The following SNTG2 variants were observed in gnomAD, a reference collection of about 807,000 sequenced individuals.
SNTG2 encodes gamma-2-syntrophin.
Under a neutral mutation model 70.9 loss-of-function variants are expected in SNTG2, and 74 were observed. The observed-to-expected ratio is 1.04, with a 90% CI of 0.86 to 1.27. The LOEUF (loss-of-function observed/expected upper bound fraction) is 1.27. Ranked by LOEUF, SNTG2 falls within the 50% of genes most tolerant of loss-of-function variation. The pLI, the probability that SNTG2 is intolerant of heterozygous loss-of-function variation, is 0.00. For missense variants in SNTG2, 717 were observed against 690.7 expected (o/e 1.04, Z -0.43); for synonymous variants, 278 against 273.8 (o/e 1.02, Z -0.15).
At chr2:1,112,146 C>T (rs1304506873) in intron 4 of SNTG2, among the ~76,000 whole-genome samples, 2 of 151,418 alleles carry the variant, frequency 1.3e-5, no homozygotes, top group Admixed American at 1.3e-4. Flanking sequence ...AGGTTTAAGC[C>T]TTACACTGCT....
intron 1 of SNTG2, among the ~76,000 whole-genome samples, chr2:966,003 G>C (rs966475987): frequency 4.6e-5 from 7 of 152,058 alleles, no homozygotes; most frequent in African/African-American, 1.7e-4. Context: ...CTGCTTCTTC[G>C]GTCCTGTGTG....
At chr2:1,033,414 A>G (rs1487486984) in intron 1 of SNTG2, among the ~76,000 whole-genome samples, 1 of 152,214 alleles carries the variant, frequency 6.6e-6, no homozygotes, top group African/African-American at 2.4e-5. Context: ...AACTCCACAA[A>G]TGCCTGTCCC....
chr2:1,279,518 A>AT (rs1426516082), intron 14 of SNTG2, among the ~76,000 whole-genome samples: 6 of 152,302 alleles, frequency 3.9e-5, no homozygotes, highest in African/African-American at 1.4e-4. Flanking sequence ...CCCGTACAGG[A>AT]ATTAAGGTTT....
chr2:1,347,841 C>T (rs995897659), intron 16 of SNTG2, among the ~76,000 whole-genome samples: 1 of 152,192 alleles, frequency 6.6e-6, no homozygotes, highest in Non-Finnish European at 1.5e-5. Context: ...GGCATTGTGC[C>T]CCTGCCCTGC....
intron 6 of SNTG2, among the ~76,000 whole-genome samples, chr2:1,153,417 A>G (rs1277639045): frequency 2.0e-5 from 3 of 152,242 alleles, no homozygotes; most frequent in Admixed American, 1.3e-4. Flanking sequence ...TCCACATTTT[A>G]GAAGATTGCA....
rs1170527144 is a variant in SNTG2 at position 1,097,166 on chromosome 2, A to C, written c.211-1030A>C. Among the ~76,000 whole-genome samples, 1 of 152,168 alleles carries C rather than the reference A, an allele frequency of 6.6e-6. No homozygotes were observed. Among genetic ancestry groups the C allele is most frequent in the Non-Finnish European group, 1.5e-5 (1 of 68,032 alleles). On this transcript the variant is annotated intron_variant, in intron 2 of 16. Coordinates refer to ENST00000308624, the MANE Select transcript of SNTG2 (RefSeq NM_018968.4). This position sits in a 1 kb window ranked among gnomAD's most constrained non-coding sequence, Gnocchi z 4.1. ...TTGGTTTCTTTCCTTTGAGTTTATG[A>C]AGTATTTCCCCCTAAGAAGGACATT... is the stretch of plus-strand genomic sequence containing the variant.
At chr2:1,110,286 T>C (rs1250655013) in intron 4 of SNTG2, among the ~76,000 whole-genome samples, 1 of 152,188 alleles carries the variant, frequency 6.6e-6, no homozygotes, top group Admixed American at 6.5e-5. Flanking sequence ...GAGCTTTGTG[T>C]GATGGGGTCA....
At chr2:1,207,425 T>C (rs1673703989) in intron 8 of SNTG2, among the ~76,000 whole-genome samples, 2 of 152,224 alleles carry the variant, frequency 1.3e-5, no homozygotes, top group South Asian at 4.1e-4. Context: ...TGAGTTTTTT[T>C]TTCTGCCTTC....
In SNTG2 at chr2:1,054,967, A is replaced by G. The variant is rs141453102; in HGVS notation, c.73-28551A>G. The stretch of plus-strand genomic sequence containing the variant: ...TTTTTGTTTTTGTTTTTTTTTCCCT[A>G]TTGATTCCTTTGGTCTTTATTTCAT... On this transcript the variant is annotated intron_variant, in intron 1 of 16. Transcript: ENST00000308624. Among the ~76,000 whole-genome samples the G allele has an allele frequency of 1.2e-3, 105 of 86,522 alleles. 1 individual carries two copies. The highest frequency in any genetic ancestry group is 3.8e-3 in the African/African-American group (93 of 24,792). 56.8% of individuals were successfully genotyped at this position (86,522 alleles called of 152,430 possible). A position where few individuals can be genotyped will look rare whatever the true frequency, so the allele number is the denominator to read the frequency against.
At chr2:1,016,711 G>A (rs73164784) in intron 1 of SNTG2, among the ~76,000 whole-genome samples, 5,236 of 152,306 alleles carry the variant, frequency 0.034, 301 homozygotes, top group African/African-American at 0.12. Context: ...GGAGCTATGC[G>A]TATTCACGGA....
intron 14 of SNTG2, among the ~76,000 whole-genome samples, chr2:1,276,921 A>G (rs532535955): frequency 5.3e-5 from 8 of 152,230 alleles, no homozygotes; most frequent in Non-Finnish European, 1.0e-4. Flanking sequence ...TCAAGACTTC[A>G]GTGGAGGAAG....
intron 16 of SNTG2, among the ~76,000 whole-genome samples, chr2:1,321,448 G>A (rs768180663): frequency 4.6e-5 from 7 of 152,156 alleles, no homozygotes; most frequent in Middle Eastern, 3.2e-3. Context: ...AAGATTGGGC[G>A]TGGGCACCTG....
At chr2:1,284,584 G>GT (rs1041425510) in intron 14 of SNTG2, among the ~76,000 whole-genome samples, 2 of 152,016 alleles carry the variant, frequency 1.3e-5, no homozygotes, top group Non-Finnish European at 2.9e-5. Context: ...CAAACCAATT[G>GT]TTTTTTTAGT....
At chr2:1,258,918 A>T (rs77484321) in intron 12 of SNTG2, among the ~76,000 whole-genome samples, 1,775 of 152,306 alleles carry the variant, frequency 0.012, 32 homozygotes, top group African/African-American at 0.04. Flanking sequence ...TAAAAAGCAA[A>T]AGACTGTCTA....
chr2:997,124 TAAGC>T (rs955458233), intron 1 of SNTG2, among the ~76,000 whole-genome samples: 19 of 152,108 alleles, frequency 1.2e-4, no homozygotes, highest in African/African-American at 2.9e-4. Context: ...GTCAAAGAAA[TAAGC>T]AAGTTCACAA....
At chr2:1,263,015 T>A (rs1362748984) in intron 13 of SNTG2, 2 of 152,230 alleles carry the variant, frequency 1.3e-5, no homozygotes, top group Non-Finnish European at 2.9e-5. Flanking sequence ...ATATGAATAA[T>A]TAATTTTCCT....
intron 8 of SNTG2, among the ~76,000 whole-genome samples, chr2:1,187,681 C>G (rs1672331447): frequency 6.6e-6 from 1 of 152,066 alleles, no homozygotes; most frequent in African/African-American, 2.4e-5. Flanking sequence ...TACGGAGCAC[C>G]AAGAAGCAAC....
chr2:1,020,545 A>C (rs1005353915), intron 1 of SNTG2, among the ~76,000 whole-genome samples: 1 of 150,890 alleles, frequency 6.6e-6, no homozygotes, highest in Non-Finnish European at 1.5e-5. Flanking sequence ...TCATTCCTGC[A>C]CTTCTCCAAA....
chr2:1,312,595 AACC>A (rs1287356067), intron 15 of SNTG2, among the ~76,000 whole-genome samples: 1 of 152,220 alleles, frequency 6.6e-6, no homozygotes, highest in Non-Finnish European at 1.5e-5. Flanking sequence ...GGAGAGGCAG[AACC>A]ACCGCAGGAT....
Sources: allele counts gnomAD v4.1 joint callset (sites outside exome capture counted in the v4.1 genomes callset), GRCh38; gene constraint gnomAD v4.1.1; non-coding constraint Gnocchi (gnomAD v3.1); transcripts MANE v1.5; gene names NCBI Gene and HGNC (gene_info 2026-07-23, HGNC 2026-07-21).